RUBCN: variants seen among roughly 807,000 people sequenced by gnomAD.
RUBCN encodes the protein run domain Beclin-1-interacting and cysteine-rich domain-containing protein.
A neutral mutation model predicts 113.2 loss-of-function variants in RUBCN; 74 were observed. The observed-to-expected ratio is 0.65, with a 90% confidence interval of 0.54 to 0.79. The LOEUF (loss-of-function observed/expected upper bound fraction) is 0.79, where lower values mean the gene tolerates loss of function less well. Ranked by LOEUF, RUBCN falls within the 30% of genes least tolerant of loss-of-function variation. The pLI, the probability that RUBCN is intolerant of heterozygous loss-of-function variation, is 0.00. For synonymous variants in RUBCN, 480 were observed against 490.0 expected, an observed-to-expected ratio of 0.98 and a Z score of 0.27; for missense variants, 1,109 against 1,251.7, an observed-to-expected ratio of 0.89 and a Z score of 1.72.
At chr3:197,679,419 C>T (rs1720913410) in intron 16 of RUBCN, among the ~76,000 whole-genome samples, 1 of 145,280 alleles carries the variant, frequency 6.9e-6, no homozygotes, top group African/African-American at 2.7e-5. Context: ...GTCCTACGCT[C>T]TAACTGACAA....
Position 197,675,061 on chromosome 3 carries a change from G to T in RUBCN, c.2876C>A (p.Ala959Glu). Residue 959 changes from alanine to glutamate, a missense_variant, in exon 20 of 20, where the codon GCG (alanine) becomes GAG (glutamate). By Grantham distance (107) the Ala-to-Glu change is moderately radical. This residue lies in a region of RUBCN where 306 missense variants were observed against 348.9 expected (regional missense o/e 0.88). Coordinates refer to ENST00000296343, the MANE Select transcript of RUBCN (RefSeq NM_014687.4). This position sits in a 1 kb window ranked among gnomAD's most constrained non-coding sequence, Gnocchi z 4.4. ...GGCGGCTTCCAGGGCCAGCGCTTCC[G>T]CGGGCTCCTCCTCGTAGTCTGACAG... ...SYLSDYEEEP[A>E]EALALEAAVL... 1 of 1,613,216 alleles carries T rather than the reference G, an allele frequency of 6.2e-7. No homozygotes were observed.
chr3:197,749,698 T>A, exon 1 of RUBCN: 1 of 644,366 alleles, frequency 1.6e-6, no homozygotes, highest in South Asian at 1.5e-5. Context: ...GTCGAACTGC[T>A]CACAACGGCG....
chr3:197,695,251 C>A lies in RUBCN; in HGVS notation c.1473+615G>T, dbSNP rs1165042242. On this transcript the variant is annotated intron_variant, in intron 9 of 19. Transcript: ENST00000296343. ...TCCCAGCACTCTGGGAGGCCAAGCC[C>A]AGGAGTTCAAGACCCCAGACGCAGT... Among the ~76,000 whole-genome samples the A allele has an allele frequency of 4.7e-5, 7 of 148,166 alleles. No homozygotes were observed. The East Asian group carries it at 8.0e-4, about 17-fold the overall frequency.
chr3:197,692,503 G>A (rs1003355429), intron 11 of RUBCN, among the ~76,000 whole-genome samples: 159 of 151,782 alleles, frequency 1.0e-3, no homozygotes, highest in African/African-American at 3.8e-3. Context: ...GTAGCTTGGT[G>A]ACCTGTGTCT....
At chr3:197,736,272 C>T (rs1728109028) in intron 1 of RUBCN, among the ~76,000 whole-genome samples, 1 of 152,178 alleles carries the variant, frequency 6.6e-6, no homozygotes. Context: ...CTTGCTGTCA[C>T]GGCAAGTTTC....
chr3:197,677,946 G>A (rs1192096198), intron 16 of RUBCN, among the ~76,000 whole-genome samples: 4 of 142,720 alleles, frequency 2.8e-5, no homozygotes, highest in Admixed American at 7.1e-5. Context: ...ACTGTCCTAC[G>A]CTCTAACTCG....
At chr3:197,738,493 T>A (rs999462018), upstream of RUBCN, among the ~76,000 whole-genome samples, 3 of 152,194 alleles carry the variant, frequency 2.0e-5, no homozygotes, top group Admixed American at 1.3e-4. Flanking sequence ...GTTAAAAAAA[T>A]ACTCTCTTTC....
chr3:197,714,343 T>C (rs1390990467), intron 2 of RUBCN, among the ~76,000 whole-genome samples: 1 of 152,162 alleles, frequency 6.6e-6, no homozygotes, highest in Non-Finnish European at 1.5e-5. Flanking sequence ...GGGTTTGCTT[T>C]TTTTGTTGAG....
intron 1 of RUBCN, among the ~76,000 whole-genome samples, chr3:197,735,508 G>A (rs1487074175): frequency 6.6e-6 from 1 of 152,234 alleles, no homozygotes; most frequent in African/African-American, 2.4e-5. Flanking sequence ...TAAGACCAGA[G>A]TTATTAATGA....
chr3:197,700,926 A>C lies in RUBCN; in HGVS notation c.948T>G (p.Gly316=). The change falls in exon 7 of 20, where the codon GGT becomes GGG. Residue 316 remains glycine, a synonymous_variant. Coordinates refer to ENST00000296343, the MANE Select transcript of RUBCN (RefSeq NM_014687.4). The stretch of plus-strand genomic sequence containing the variant: ...GGTACTCAGGCCCCTCACTGGCATC[A>C]CCTGGGGAATCATTCTGGCTGCTGA... ...SWVSSQNDSP[G]DASEGPEYLA... 1 of 1,614,128 alleles carries C rather than the reference A, an allele frequency of 6.2e-7. No homozygotes were observed.
intron 14 of RUBCN, among the ~76,000 whole-genome samples, chr3:197,682,152 G>T (rs577030190): frequency 3.2e-4 from 48 of 152,232 alleles, no homozygotes; most frequent in African/African-American, 1.2e-3. Flanking sequence ...TGTGGTAAAG[G>T]AGAGAGAATG....
chr3:197,678,690 C>T (rs12491941), intron 16 of RUBCN, among the ~76,000 whole-genome samples: 1 of 135,624 alleles, frequency 7.4e-6, no homozygotes, highest in South Asian at 2.5e-4. Flanking sequence ...ACAACTGGCT[C>T]CAGACTGTCG....
At chr3:197,737,028 C>A (rs1469114116), upstream of RUBCN, 2 of 949,018 alleles carry the variant, frequency 2.1e-6, no homozygotes, top group Admixed American at 1.0e-4. Flanking sequence ...CGGCAGGCCG[C>A]TCCCGCAAGC....
Position 197,674,461 on chromosome 3 carries a change from C to T in RUBCN, c.*557G>A, listed in dbSNP as rs1371037110. On this transcript the variant is annotated 3_prime_UTR_variant, in exon 20 of 20. Transcript: ENST00000296343. ...TAGGATAGTCAGGATTGTTCTGTGGCCCCCAAAATACCCAAATAAGTGGAC... is the reference window on the plus strand; with the variant it reads ...TAGGATAGTCAGGATTGTTCTGTGGTCCCCAAAATACCCAAATAAGTGGAC... 4.7e-6 allele frequency: 2 copies of T among 429,302 alleles called. No homozygotes were observed. The highest frequency in any genetic ancestry group is 9.6e-6 in the Non-Finnish European group (2 of 208,450). 26.6% of individuals were successfully genotyped at this position (429,302 alleles called of 1,614,324 possible).
chr3:197,743,452 A>G (rs1311840110), intron 1 of RUBCN, among the ~76,000 whole-genome samples: 1 of 152,248 alleles, frequency 6.6e-6, no homozygotes, highest in Non-Finnish European at 1.5e-5. Flanking sequence ...GAACGAATAA[A>G]TGAACAAACA....
chr3:197,739,134 T>C (rs1248010095), upstream of RUBCN, among the ~76,000 whole-genome samples: 1 of 151,414 alleles, frequency 6.6e-6, no homozygotes, highest in Non-Finnish European at 1.5e-5. Context: ...AGGGACAAGG[T>C]TTCTCCATGT....
chr3:197,701,097 T>C lies in RUBCN; in HGVS notation c.777A>G (p.Gln259=), dbSNP rs1306277575. The stretch of plus-strand genomic sequence containing the variant: ...CTGGTGAGACGTGCCCTCTGCTTTC[T>C]TGAGGTTTCCGGGGAGGGCCAGAGA... The part of the protein sequence containing the change: ...FPLSGPPRKP[Q]ESRGHVSPAE... The change falls in exon 7 of 20, where the codon CAA becomes CAG. Residue 259 remains glutamine (Q), a synonymous_variant. Coordinates refer to ENST00000296343, the MANE Select transcript of RUBCN (RefSeq NM_014687.4). The C allele has an allele frequency of 1.9e-6, 3 of 1,591,678 alleles. No individual in the cohort carries two copies. The highest frequency in any genetic ancestry group is 1.7e-6 in the Non-Finnish European group (2 of 1,166,538).
intron 2 of RUBCN, among the ~76,000 whole-genome samples, chr3:197,715,290 G>GA (rs35511002): frequency 0.35 from 35,763 of 102,374 alleles, 5,991 homozygotes; most frequent in East Asian, 0.79. Context: ...ACTCTATCTT[G>GA]AAAAAAAAAA....
In RUBCN at chr3:197,718,093, T is replaced by G. The variant is rs766550628; in HGVS notation, c.103A>C (p.Thr35Pro). The stretch of plus-strand genomic sequence containing the variant: ...TTGGTTGATACCAAACCCTCCACCG[T>G]CGTCTTCAAATTACCCAGCAACTGC... ...HWQLLGNLKTTVEGLVSTNSP... is the reference protein window; with the variant it reads ...HWQLLGNLKTPVEGLVSTNSP... The change falls in exon 2 of 20, where the codon ACG becomes CCG. Residue 35 changes from threonine to proline, a missense_variant. Physicochemically the swap from Thr to Pro is conservative, Grantham distance 38. Around this residue, in one of 3 missense-constraint regions of RUBCN, gnomAD observed 736 missense variants for 779.6 expected, o/e 0.94. Transcript: ENST00000296343. The G allele has an allele frequency of 6.2e-7, 1 of 1,614,214 alleles. No individual in the cohort carries two copies. Among genetic ancestry groups the G allele is most frequent in the East Asian group, 2.2e-5 (1 of 44,890 alleles).
Sources: gnomAD v4.1 joint callset for allele counts (sites outside exome capture counted in the v4.1 genomes callset) on GRCh38, gnomAD v4.1.1 for gene constraint, gnomAD v4.1.1 regional missense constraint, Gnocchi (gnomAD v3.1) non-coding constraint, MANE v1.5 for transcripts, NCBI Gene and HGNC (gene_info 2026-07-23, HGNC 2026-07-21) for gene names.